SCARB1: variants seen among roughly 807,000 people sequenced by gnomAD.
The protein encoded by SCARB1 is scavenger receptor class B member 1.
In SCARB1, 30 loss-of-function variants were observed where a neutral mutation model predicts 57.2. The ratio of observed to expected loss-of-function variants is 0.52; its 90% CI spans 0.39 to 0.71. The LOEUF (loss-of-function observed/expected upper bound fraction) is 0.71. Ranked by LOEUF, SCARB1 falls within the 30% of genes least tolerant of loss-of-function variation. The pLI is 0.00. For missense variants in SCARB1, 543 were observed against 671.2 expected, an observed-to-expected ratio of 0.81 and a Z score of 2.11; for synonymous variants, 249 against 268.3, an observed-to-expected ratio of 0.93 and a Z score of 0.70.
intron 1 of SCARB1, among the ~76,000 whole-genome samples, chr12:124,851,875 G>A (rs1008591963): frequency 3.3e-5 from 5 of 152,034 alleles, no homozygotes; most frequent in Admixed American, 2.0e-4. Flanking sequence ...CTAAAGTGCC[G>A]GGATTACAGG....
chr12:124,792,615 G>C (rs1308471170), intron 9 of SCARB1, among the ~76,000 whole-genome samples: 2 of 150,730 alleles, frequency 1.3e-5, no homozygotes, highest in African/African-American at 4.9e-5. Context: ...CCAGCTACTT[G>C]AGAGGCTGAG....
In SCARB1 at chr12:124,791,356, T is replaced by G. The variant is rs1949722552; in HGVS notation, c.1202+3839A>C. Among the ~76,000 whole-genome samples, 2 of 152,312 alleles carry G rather than the reference T, an allele frequency of 1.3e-5. 1 individual carries two copies. Among genetic ancestry groups the G allele is most frequent in the Middle Eastern group, 6.8e-3 (2 of 294 alleles). On this transcript the variant is annotated intron_variant, in intron 9 of 12. Coordinates refer to ENST00000261693, the MANE Select transcript of SCARB1 (RefSeq NM_005505.5). ...GCCTTGGGACCCCTGACACAGCCACTTACGAGCTCTGTGACCTTGGGCGTG... is the reference window on the plus strand; with the variant it reads ...GCCTTGGGACCCCTGACACAGCCACGTACGAGCTCTGTGACCTTGGGCGTG...
At chr12:124,850,819 T>C (rs903866427) in intron 1 of SCARB1, among the ~76,000 whole-genome samples, 2 of 152,134 alleles carry the variant, frequency 1.3e-5, no homozygotes, top group East Asian at 1.9e-4. Context: ...TGAAAGGCAA[T>C]GTGGGGATGA....
At chr12:124,799,205 TAGAC>T (rs1950051487) in intron 8 of SCARB1, among the ~76,000 whole-genome samples, 1 of 152,182 alleles carries the variant, frequency 6.6e-6, no homozygotes, top group South Asian at 2.1e-4. Flanking sequence ...CACTCAAAAA[TAGAC>T]AGCTTTTCTT....
At chr12:124,788,221 A>C (rs1306875654) in intron 9 of SCARB1, among the ~76,000 whole-genome samples, 1 of 152,172 alleles carries the variant, frequency 6.6e-6, no homozygotes, top group Non-Finnish European at 1.5e-5. Context: ...ACTTGAAAAT[A>C]ATCTTTTTAA....
At chr12:124,830,698 G>T (rs1339987216) in intron 1 of SCARB1, among the ~76,000 whole-genome samples, 1 of 151,868 alleles carries the variant, frequency 6.6e-6, no homozygotes, top group Non-Finnish European at 1.5e-5. Context: ...TGGTATAGGG[G>T]GTCATTACAA....
intron 7 of SCARB1, among the ~76,000 whole-genome samples, chr12:124,801,491 T>C (rs838912): frequency 0.62 from 95,083 of 152,144 alleles, 31,180 homozygotes; most frequent in African/African-American, 0.82. Context: ...AAACAAAAAC[T>C]TGAATCAGAG....
Position 124,814,115 on chromosome 12 carries a change from A to G in SCARB1, c.630+87T>C, listed in dbSNP as rs1950610151. The G allele has an allele frequency of 3.1e-6, 4 of 1,283,506 alleles. No homozygotes were observed. The highest frequency in any genetic ancestry group is 2.3e-5 in the East Asian group (1 of 43,310). The allele number at this position is 1,283,506 out of a possible 1,614,324, so 79.5% of individuals were successfully genotyped here. A position where few individuals can be genotyped will look rare whatever the true frequency, so the allele number is the denominator to read the frequency against. On this transcript the variant is annotated intron_variant, in intron 4 of 12. Transcript: ENST00000261693. The surrounding 1 kb of genome is among the most constrained non-coding windows in gnomAD (Gnocchi z 4.7). ...CCACTAGATCCCCAGCCAGCTACAA[A>G]GCAAGCTGGTGACCAGTGTCCAGGC...
intron 8 of SCARB1, among the ~76,000 whole-genome samples, chr12:124,797,654 G>C (rs1407978174): frequency 6.6e-6 from 1 of 152,190 alleles, no homozygotes; most frequent in Non-Finnish European, 1.5e-5. Flanking sequence ...AAAGGAAAGC[G>C]ATCACTGAGA....
At position 124,796,579 on chromosome 12, in the gene SCARB1, A is replaced by G. The variant is rs1228237840; in HGVS notation, c.1129-1311T>C. Among the ~76,000 whole-genome samples, 4 of 152,232 alleles carry G rather than the reference A, an allele frequency of 2.6e-5. No individual in the cohort carries two copies. The highest frequency in any genetic ancestry group is 5.9e-5 in the Non-Finnish European group (4 of 68,042). On this transcript the variant is annotated intron_variant, in intron 8 of 12. Coordinates refer to ENST00000261693, the MANE Select transcript of SCARB1 (RefSeq NM_005505.5). The surrounding 1 kb of genome is among the most constrained non-coding windows in gnomAD (Gnocchi z 4.0). The stretch of plus-strand genomic sequence containing the variant: ...GCGTCCTCATCTGTAAAACAGAGAG[A>G]ACTCTCCCGACCTGACAGAATTTTT...
chr12:124,830,674 G>A (rs912229586), intron 1 of SCARB1, among the ~76,000 whole-genome samples: 1 of 152,052 alleles, frequency 6.6e-6, no homozygotes, highest in Non-Finnish European at 1.5e-5. Context: ...GGGTGCGGGG[G>A]AGGCGTTTAC....
chr12:124,837,398 T>A (rs112373272), intron 1 of SCARB1, among the ~76,000 whole-genome samples: 38 of 144,754 alleles, frequency 2.6e-4, no homozygotes, highest in African/African-American at 9.1e-4. Context: ...TCATTTTGCA[T>A]TTTCAAATGG....
chr12:124,856,330 G>A (rs954594301), intron 1 of SCARB1, among the ~76,000 whole-genome samples: 7 of 152,228 alleles, frequency 4.6e-5, no homozygotes, highest in African/African-American at 1.4e-4. Flanking sequence ...CATCAAGGCA[G>A]GTGTGTGCAT....
intron 1 of SCARB1, among the ~76,000 whole-genome samples, chr12:124,856,864 GC>G (rs2135851625): frequency 6.6e-6 from 1 of 152,352 alleles, no homozygotes; most frequent in South Asian, 2.1e-4. Context: ...CTCCCCGGGA[GC>G]CTCACTTGGT....
intron 1 of SCARB1, among the ~76,000 whole-genome samples, chr12:124,843,216 G>A (rs1432660338): frequency 1.3e-5 from 2 of 151,666 alleles, no homozygotes. Flanking sequence ...CCCAGGGAGA[G>A]GCACGTGACC....
chr12:124,804,294 G>T (rs748107253), intron 7 of SCARB1, among the ~76,000 whole-genome samples: 3 of 152,230 alleles, frequency 2.0e-5, no homozygotes, highest in Non-Finnish European at 4.4e-5. Flanking sequence ...GCTGGGCGGA[G>T]GTGAGCCTGG....
chr12:124,849,435 G>A (rs1952299119), intron 1 of SCARB1, among the ~76,000 whole-genome samples: 1 of 152,096 alleles, frequency 6.6e-6, no homozygotes, highest in African/African-American at 2.4e-5. Flanking sequence ...TTTAAAAAAT[G>A]CCTCATCCCA....
At position 124,782,537 on chromosome 12, in the gene SCARB1, T is replaced by C. The variant is rs183895308; in HGVS notation, c.*146A>G. The C allele has an allele frequency of 4.9e-4, 406 of 823,468 alleles. 4 individuals are homozygous for C. In the African/African-American group the frequency reaches 6.3e-3, roughly 13 times the overall value. The allele number at this position is 823,468 out of a possible 1,614,324, so 51.0% of individuals were successfully genotyped here. A position where few individuals can be genotyped will look rare whatever the true frequency, so the allele number is the denominator to read the frequency against. ...AAGGGCAGTTTCTCCAAAAGCAAAA[T>C]ACACAAATATGCATCTTCAGTCTGT... On this transcript the variant is annotated intron_variant, in intron 12 of 12. Transcript: ENST00000261693.
chr12:124,844,048 T>A (rs574569961), intron 1 of SCARB1, among the ~76,000 whole-genome samples: 4 of 152,108 alleles, frequency 2.6e-5, no homozygotes, highest in African/African-American at 9.6e-5. Context: ...CTCCTGCGCA[T>A]CCCCAGGAAA....
Sources: gnomAD v4.1 joint callset for allele counts (sites outside exome capture counted in the v4.1 genomes callset) on GRCh38, gnomAD v4.1.1 for gene constraint, Gnocchi (gnomAD v3.1) non-coding constraint, MANE v1.5 for transcripts, NCBI Gene and HGNC (gene_info 2026-07-23, HGNC 2026-07-21) for gene names.